RELN: variants seen among roughly 807,000 people sequenced by gnomAD.
The protein encoded by RELN is reelin.
In RELN, 108 loss-of-function variants were observed where a neutral mutation model predicts 427.6. That is an observed-to-expected ratio of 0.25 (90% CI 0.22 to 0.30). The LOEUF (loss-of-function observed/expected upper bound fraction) is 0.30, where lower values mean the gene tolerates loss of function less well. Among genes scored for constraint, RELN ranks in the 10% least tolerant of loss-of-function variants. The probability of loss-of-function intolerance (pLI) is 1.00; values close to 1 mark genes in which losing one functional copy is unlikely to be tolerated. For synonymous variants in RELN, 1,524 were observed against 1,513.4 expected (o/e 1.01, Z -0.16); for missense variants, 3,715 against 4,302.8 (o/e 0.86, Z 3.82).
At chr7:103,855,158 G>C (rs1050301902) in intron 2 of RELN, among the ~76,000 whole-genome samples, 3 of 152,236 alleles carry the variant, frequency 2.0e-5, no homozygotes, top group East Asian at 3.8e-4. Context: ...TTGAAAGAAA[G>C]AGTAAAATTC....
At chr7:103,973,913 C>A (rs536841200) in intron 1 of RELN, among the ~76,000 whole-genome samples, 1 of 152,160 alleles carries the variant, frequency 6.6e-6, no homozygotes, top group Non-Finnish European at 1.5e-5. Context: ...GACGCCAAGG[C>A]GGGTGGATCA....
intron 1 of RELN, among the ~76,000 whole-genome samples, chr7:103,955,815 TC>T (rs1796421721): frequency 1.3e-5 from 2 of 152,172 alleles, no homozygotes; most frequent in Admixed American, 1.3e-4. Context: ...GAAAAGCCCA[TC>T]CCAGCTTCAG....
chr7:103,652,278 T>C (rs755105505), intron 14 of RELN, among the ~76,000 whole-genome samples: 1 of 150,764 alleles, frequency 6.6e-6, no homozygotes, highest in African/African-American at 2.4e-5. Context: ...CTCTTAGCAA[T>C]CTGTTGTAAT....
intron 6 of RELN, among the ~76,000 whole-genome samples, chr7:103,731,515 A>G (rs1790354341): frequency 2.6e-5 from 4 of 152,114 alleles, no homozygotes; most frequent in Admixed American, 2.6e-4. Flanking sequence ...CACTTAGACG[A>G]TGCTAGAACT....
chr7:103,564,861 A>T (rs966840223), intron 34 of RELN, among the ~76,000 whole-genome samples: 18 of 152,192 alleles, frequency 1.2e-4, no homozygotes, highest in African/African-American at 3.9e-4. Flanking sequence ...AGACAGATGC[A>T]AAACAATATG....
chr7:103,958,540 T>C (rs1001607427), intron 1 of RELN, among the ~76,000 whole-genome samples: 12 of 152,188 alleles, frequency 7.9e-5, no homozygotes, highest in African/African-American at 2.9e-4. Context: ...GGAAAATCTC[T>C]GTCATGAGGC....
intron 2 of RELN, among the ~76,000 whole-genome samples, chr7:103,838,026 C>A (rs371506026): frequency 2.0e-5 from 3 of 151,546 alleles, no homozygotes; most frequent in Admixed American, 2.0e-4. Context: ...GGTAACACGG[C>A]GAAACACCGT....
rs377079488 is a variant in RELN at position 103,988,028 on chromosome 7, A to G, written c.226+1103T>C. 2.2e-4 allele frequency among the ~76,000 whole-genome samples: 34 copies of G among 152,304 alleles called. No homozygotes were observed. The highest frequency in any genetic ancestry group is 7.7e-4 in the African/African-American group (32 of 41,560). ...TATCTTAAGTGCTAGCACCCCGTAG[A>G]TTATCTCCCGCCATGCCAATGATTG... is the stretch of plus-strand genomic sequence containing the variant. On this transcript the variant is annotated intron_variant, in intron 1 of 64. Transcript: ENST00000428762. The surrounding 1 kb of genome is among the most constrained non-coding windows in gnomAD (Gnocchi z 4.9).
At chr7:103,765,561 TA>T (rs1239815725) in intron 4 of RELN, among the ~76,000 whole-genome samples, 1 of 152,204 alleles carries the variant, frequency 6.6e-6, no homozygotes, top group Non-Finnish European at 1.5e-5. Flanking sequence ...ACACGTACAT[TA>T]AAAATAATGT....
intron 3 of RELN, among the ~76,000 whole-genome samples, chr7:103,832,312 T>G (rs1407639639): frequency 1.3e-5 from 2 of 152,162 alleles, no homozygotes; most frequent in Admixed American, 1.3e-4. Context: ...CCTTTGACTT[T>G]ACACCATTGG....
In RELN at chr7:103,496,494, G is replaced by A. The variant is rs539331324; in HGVS notation, c.9193+32C>T. ...ACATAAGCAGAAAAATGGCTCACAGGAAAGAAAATTGTTCAATGTCTTGTT... is the reference window on the plus strand; with the variant it reads ...ACATAAGCAGAAAAATGGCTCACAGAAAAGAAAATTGTTCAATGTCTTGTT... On this transcript the variant is annotated intron_variant, in intron 56 of 64. Coordinates refer to ENST00000428762, the MANE Select transcript of RELN (RefSeq NM_005045.4). 140 of 1,614,014 alleles carry A rather than the reference G, an allele frequency of 8.7e-5. No homozygotes were observed. The South Asian group carries it at 1.4e-3, about 16-fold the overall frequency.
chr7:103,675,197 T>C (rs59475294), intron 11 of RELN, among the ~76,000 whole-genome samples: 8,049 of 152,298 alleles, frequency 0.053, 716 homozygotes, highest in African/African-American at 0.18. Flanking sequence ...AGACTCAGCA[T>C]ACAAAATCAA....
At chr7:103,761,143 C>T (rs1791288354) in intron 4 of RELN, among the ~76,000 whole-genome samples, 2 of 152,074 alleles carry the variant, frequency 1.3e-5, no homozygotes, top group African/African-American at 4.8e-5. Flanking sequence ...ATTTATGTCT[C>T]AAAACAATTT....
At chr7:103,745,949 A>G (rs1205961394) in intron 6 of RELN, among the ~76,000 whole-genome samples, 1 of 152,154 alleles carries the variant, frequency 6.6e-6, no homozygotes, top group African/African-American at 2.4e-5. Flanking sequence ...AAAAGAGCTC[A>G]CATTGCCAAG....
At chr7:103,862,411 CT>C (rs372768146) in intron 2 of RELN, among the ~76,000 whole-genome samples, 4,144 of 53,394 alleles carry the variant, frequency 0.078, 89 homozygotes, top group South Asian at 0.17. Flanking sequence ...TGCTTTTGTT[CT>C]ATCTATCTAT....
intron 2 of RELN, among the ~76,000 whole-genome samples, chr7:103,908,398 A>C (rs1795265125): frequency 6.6e-6 from 1 of 152,170 alleles, no homozygotes; most frequent in African/African-American, 2.4e-5. Flanking sequence ...CTACAACTTT[A>C]TGAACTGGGC....
chr7:103,917,002 C>G (rs1461261536), intron 2 of RELN, 73 bp downstream of exon 2: 1 of 1,114,282 alleles, frequency 9.0e-7, no homozygotes, highest in Non-Finnish European at 1.4e-6. Context: ...ACTGTTAAAA[C>G]AGATACTTTA....
At chr7:103,946,927 A>T (rs1796231445) in intron 1 of RELN, among the ~76,000 whole-genome samples, 1 of 152,202 alleles carries the variant, frequency 6.6e-6, no homozygotes, top group Admixed American at 6.5e-5. Context: ...ACTCCCCTAG[A>T]CAAATGTAAG....
intron 64 of RELN, among the ~76,000 whole-genome samples, chr7:103,474,611 A>C (rs923560917): frequency 2.0e-5 from 3 of 152,064 alleles, no homozygotes; most frequent in African/African-American, 7.2e-5. Flanking sequence ...ATTGAGTTAC[A>C]AAAAAACCCC....
Sources: allele counts gnomAD v4.1 joint callset (sites outside exome capture counted in the v4.1 genomes callset), GRCh38; gene constraint gnomAD v4.1.1; non-coding constraint Gnocchi (gnomAD v3.1); transcripts MANE v1.5; gene names NCBI Gene and HGNC (gene_info 2026-07-23, HGNC 2026-07-21).